SDK1: variants seen among roughly 807,000 people sequenced by gnomAD.
SDK1 encodes sidekick cell adhesion molecule 1.
SDK1 carries 157 observed loss-of-function variants against 245.5 expected under a neutral mutation model. That is an observed-to-expected ratio of 0.64 (90% confidence interval 0.56 to 0.73). The LOEUF is 0.73. Among genes scored for constraint, SDK1 ranks in the 30% least tolerant of loss-of-function variants. The pLI, the probability that SDK1 is intolerant of heterozygous loss-of-function variation, is 0.00. For synonymous variants in SDK1, 1,647 were observed against 1,278.5 expected, an observed-to-expected ratio of 1.29 and a Z score of -6.15; for missense variants, 3,583 against 3,002.3, an observed-to-expected ratio of 1.19 and a Z score of -4.52.
chr7:3,574,980 C>G (rs556097952), intron 1 of SDK1, among the ~76,000 whole-genome samples: 41 of 152,076 alleles, frequency 2.7e-4, no homozygotes, highest in African/African-American at 9.2e-4. Context: ...CTGGAGTTAC[C>G]CTTTCTGCCC....
intron 20 of SDK1, among the ~76,000 whole-genome samples, chr7:4,074,317 A>T (rs560270274): frequency 6.6e-6 from 1 of 152,260 alleles, no homozygotes; most frequent in South Asian, 2.1e-4. Context: ...TTGCTGACCT[A>T]AGCTGATTCA....
At chr7:3,995,052 G>T (rs544229929) in intron 14 of SDK1, among the ~76,000 whole-genome samples, 1 of 152,252 alleles carries the variant, frequency 6.6e-6, no homozygotes, top group African/African-American at 2.4e-5. Context: ...AGAGGTTCTC[G>T]TTCCCTGAAG....
intron 1 of SDK1, among the ~76,000 whole-genome samples, chr7:3,324,908 A>C (rs866923138): frequency 6.6e-6 from 1 of 152,306 alleles, no homozygotes. Flanking sequence ...TCCTAACAGA[A>C]GGTAAACTTT....
chr7:4,128,935 G>A (rs1225601370), intron 26 of SDK1, among the ~76,000 whole-genome samples: 1 of 126,050 alleles, frequency 7.9e-6, no homozygotes, highest in African/African-American at 3.0e-5. Flanking sequence ...TTGGGGTGGG[G>A]TCCCCTGGAG....
Position 4,049,401 on chromosome 7 carries a change from A to G in SDK1, c.2656A>G (p.Ile886Val). The change falls in exon 18 of 45, where the codon ATT becomes GTT. Residue 886 changes from isoleucine (I) to valine (V), a missense_variant. Physicochemically the swap from Ile to Val is conservative, Grantham distance 29 (BLOSUM62 3). Coordinates refer to ENST00000404826, the MANE Select transcript of SDK1 (RefSeq NM_152744.4). Reference protein sequence around the residue: ...VQTEAVNSTTIQFLWNPPPQQ... With the variant: ...VQTEAVNSTTVQFLWNPPPQQ... ...GACGGAAGCCGTGAACTCCACCACC[A>G]TTCAGTTCCTGTGGAACCCTCCGCC... 5.0e-6 allele frequency: 8 copies of G among 1,614,070 alleles called. No homozygotes were observed. Among genetic ancestry groups the G allele is most frequent in the Non-Finnish European group, 5.9e-6 (7 of 1,180,006 alleles).
At chr7:3,492,160 T>C (rs1781881928) in intron 1 of SDK1, among the ~76,000 whole-genome samples, 2 of 152,216 alleles carry the variant, frequency 1.3e-5, no homozygotes, top group African/African-American at 4.8e-5. Flanking sequence ...TAGTAAGTGC[T>C]TTTTAAAATC....
At chr7:3,433,305 A>C (rs927517628) in intron 1 of SDK1, among the ~76,000 whole-genome samples, 1 of 152,266 alleles carries the variant, frequency 6.6e-6, no homozygotes, top group African/African-American at 2.4e-5. Flanking sequence ...TTCACACTTC[A>C]AAAGGTGTGT....
Position 3,516,492 on chromosome 7 carries a change from T to C in SDK1, c.299-102588T>C, listed in dbSNP as rs537280398. Among the ~76,000 whole-genome samples the C allele has an allele frequency of 1.3e-3, 192 of 152,250 alleles. 4 individuals are homozygous for C. The highest frequency in any genetic ancestry group is 4.5e-3 in the African/African-American group (186 of 41,562). ...GTGTTCTACTTAAAGAGCTATTTTT[T>C]ACTGAGTGTATTTTAAAAAATTATT... On this transcript the variant is annotated intron_variant, in intron 1 of 44. Coordinates refer to ENST00000404826, the MANE Select transcript of SDK1 (RefSeq NM_152744.4).
intron 1 of SDK1, among the ~76,000 whole-genome samples, chr7:3,502,331 C>A (rs1026388504): frequency 1.3e-5 from 2 of 152,040 alleles, no homozygotes; most frequent in African/African-American, 2.4e-5. Flanking sequence ...CTCACTGCAA[C>A]CTCTGCCTCC....
At chr7:4,074,629 G>C (rs1022773109) in intron 20 of SDK1, among the ~76,000 whole-genome samples, 1 of 151,940 alleles carries the variant, frequency 6.6e-6, no homozygotes, top group African/African-American at 2.4e-5. Flanking sequence ...GGGAGGCCAC[G>C]GTGGGAGGAT....
At chr7:3,600,287 C>T (rs1440021574) in intron 1 of SDK1, among the ~76,000 whole-genome samples, 4 of 152,016 alleles carry the variant, frequency 2.6e-5, no homozygotes, top group Non-Finnish European at 4.4e-5. Flanking sequence ...CCTTGTTAAA[C>T]ACATTAGTTC....
chr7:3,682,410 A>G (rs191446224), intron 4 of SDK1, among the ~76,000 whole-genome samples: 1 of 105,286 alleles, frequency 9.5e-6, no homozygotes, highest in Admixed American at 9.6e-5. Context: ...AAACTCCTCT[A>G]TAATGAAGCT....
chr7:3,751,955 G>C (rs1779786428), intron 4 of SDK1, among the ~76,000 whole-genome samples: 1 of 152,234 alleles, frequency 6.6e-6, no homozygotes, highest in South Asian at 2.1e-4. Context: ...ACGAAAGATA[G>C]TGTTTCATGG....
At position 4,255,200 on chromosome 7, in the gene SDK1, A is replaced by G. The variant is rs117414911; in HGVS notation, c.6381+9395A>G. Among the ~76,000 whole-genome samples the G allele has an allele frequency of 3.9e-5, 6 of 152,306 alleles. No individual in the cohort carries two copies. In the East Asian group the frequency reaches 1.2e-3, roughly 29 times the overall value. On this transcript the variant is annotated intron_variant, in intron 44 of 44. Transcript: ENST00000404826. Reference sequence around the variant, plus strand: ...CCGCTTCCATTGTTGCTGACATGGAACTACCAGCTTCCTCTTCATTCCTCA... The same window carrying G: ...CCGCTTCCATTGTTGCTGACATGGAGCTACCAGCTTCCTCTTCATTCCTCA...
chr7:3,809,217 G>A (rs1472858458), intron 4 of SDK1, among the ~76,000 whole-genome samples: 1 of 152,038 alleles, frequency 6.6e-6, no homozygotes, highest in Non-Finnish European at 1.5e-5. Flanking sequence ...CGAGAGAAGG[G>A]GGAGGTGCCA....
intron 4 of SDK1, among the ~76,000 whole-genome samples, chr7:3,682,780 C>G (rs983243704): frequency 6.6e-6 from 1 of 151,622 alleles, no homozygotes; most frequent in Admixed American, 6.6e-5. Context: ...GAGTTTTGCA[C>G]TGCCAGATCA....
chr7:3,544,409 C>T (rs531300841), intron 1 of SDK1, among the ~76,000 whole-genome samples: 1 of 152,360 alleles, frequency 6.6e-6, no homozygotes, highest in African/African-American at 2.4e-5. Flanking sequence ...GTAGAGGGCA[C>T]TGCACCAGGA....
intron 1 of SDK1, among the ~76,000 whole-genome samples, chr7:3,567,906 G>C (rs1779980064): frequency 6.6e-6 from 1 of 152,144 alleles, no homozygotes; most frequent in South Asian, 2.1e-4. Flanking sequence ...CGAACTCGTG[G>C]GCCCAAGTGG....
At chr7:4,144,991 C>G (rs932027773) in intron 28 of SDK1, among the ~76,000 whole-genome samples, 2 of 152,098 alleles carry the variant, frequency 1.3e-5, no homozygotes, top group African/African-American at 4.8e-5. Flanking sequence ...CCTCCAGATG[C>G]CAGCGGGGGA....
Sources: gnomAD v4.1 joint callset for allele counts (sites outside exome capture counted in the v4.1 genomes callset) on GRCh38, gnomAD v4.1.1 for gene constraint, MANE v1.5 for transcripts, NCBI Gene and HGNC (gene_info 2026-07-23, HGNC 2026-07-21) for gene names.